WNK1: variants seen among roughly 807,000 people sequenced by gnomAD.
The protein encoded by WNK1 is WNK lysine deficient protein kinase 1, also known as serine/threonine-protein kinase WNK1.
WNK1 carries 38 observed loss-of-function variants against 222.8 expected under a neutral mutation model. That is an observed-to-expected ratio of 0.17 (90% CI 0.13 to 0.22). WNK1 has a LOEUF of 0.22. Among genes scored for constraint, WNK1 ranks in the 10% least tolerant of loss-of-function variants. The probability of loss-of-function intolerance (pLI) is 1.00; values close to 1 mark genes in which losing one functional copy is unlikely to be tolerated. For synonymous variants in WNK1, 1,090 were observed against 1,092.9 expected, an observed-to-expected ratio of 1.00 and a Z score of 0.05; for missense variants, 2,348 against 2,918.4, an observed-to-expected ratio of 0.80 and a Z score of 4.50.
intron 1 of WNK1, among the ~76,000 whole-genome samples, chr12:768,690 A>G (rs148215052): frequency 6.6e-6 from 1 of 152,206 alleles, no homozygotes; most frequent in African/African-American, 2.4e-5. Flanking sequence ...ATACCTCATT[A>G]ATGTTTTAAA....
chr12:860,776 AC>A (rs1359679511), intron 6 of WNK1, among the ~76,000 whole-genome samples: 2 of 152,160 alleles, frequency 1.3e-5, no homozygotes, highest in African/African-American at 4.8e-5. Flanking sequence ...AGGTATACCT[AC>A]CCTTCGAGTT....
chr12:806,835 A>C (rs151090402), intron 1 of WNK1, among the ~76,000 whole-genome samples: 1 of 152,336 alleles, frequency 6.6e-6, no homozygotes, highest in Non-Finnish European at 1.5e-5. Context: ...CATTACACTT[A>C]AGTCAGACCT....
intron 1 of WNK1, among the ~76,000 whole-genome samples, chr12:812,069 G>GT (rs1356305084): frequency 2.0e-5 from 3 of 152,032 alleles, no homozygotes; most frequent in African/African-American, 4.8e-5. Context: ...GAAGTCCCCC[G>GT]TTTTTTTCCC....
intron 4 of WNK1, chr12:851,420 A>T: frequency 4.5e-6 from 5 of 1,123,308 alleles, no homozygotes; most frequent in Non-Finnish European, 5.5e-6. Context: ...CTTGTCTAGG[A>T]TCTATTACTG....
intron 4 of WNK1, among the ~76,000 whole-genome samples, chr12:846,266 C>G (rs895151171): frequency 1.3e-5 from 2 of 152,130 alleles, no homozygotes; most frequent in Non-Finnish European, 2.9e-5. Flanking sequence ...TACTTGTAGT[C>G]TTGACCCAGT....
At chr12:891,009 TGAAAG>T (rs1369542103) in intron 22 of WNK1, among the ~76,000 whole-genome samples, 1 of 151,962 alleles carries the variant, frequency 6.6e-6, no homozygotes, top group Non-Finnish European at 1.5e-5. Flanking sequence ...AATGGAAAAA[TGAAAG>T]GGGAATGTAG....
At chr12:892,479 T>C (rs1238291181) in intron 22 of WNK1, among the ~76,000 whole-genome samples, 1 of 152,062 alleles carries the variant, frequency 6.6e-6, no homozygotes, top group Non-Finnish European at 1.5e-5. Flanking sequence ...TTAATAGAGG[T>C]GTTAAGTTCA....
At chr12:860,141 C>T (rs1211786104) in intron 6 of WNK1, among the ~76,000 whole-genome samples, 1 of 152,122 alleles carries the variant, frequency 6.6e-6, no homozygotes, top group East Asian at 1.9e-4. Flanking sequence ...TTGAGTGACT[C>T]CCAGTTTGTA....
At chr12:870,242 A>G (rs1952027459) in intron 8 of WNK1, among the ~76,000 whole-genome samples, 1 of 152,218 alleles carries the variant, frequency 6.6e-6, no homozygotes, top group African/African-American at 2.4e-5. Flanking sequence ...CTTGACAGCT[A>G]TACATGGGCA....
At position 864,981 on chromosome 12, in the gene WNK1, A is replaced by T. The variant is rs913808927; in HGVS notation, c.2139+2711A>T. On this transcript the variant is annotated intron_variant, in intron 8 of 27. Transcript: ENST00000315939. Reference sequence around the variant, plus strand: ...AGTTATAGCTCTCCTCAAAAAAAAAACTGACTTTGTGGAATTGGGAGAGGA... The same window carrying T: ...AGTTATAGCTCTCCTCAAAAAAAAATCTGACTTTGTGGAATTGGGAGAGGA... 7.5e-5 allele frequency: 96 copies of T among 1,276,714 alleles called. No individual in the cohort carries two copies. In the African/African-American group the frequency reaches 1.3e-3, roughly 17 times the overall value. 79.1% of individuals were successfully genotyped at this position (1,276,714 alleles called of 1,614,324 possible). A position where few individuals can be genotyped will look rare whatever the true frequency, so the allele number is the denominator to read the frequency against.
At chr12:878,382 T>G (rs1021056482) in intron 10 of WNK1, 21 bp downstream of exon 10, 3 of 1,597,334 alleles carry the variant, frequency 1.9e-6, no homozygotes, top group Non-Finnish European at 1.7e-6. Context: ...TTTTTTTTTT[T>G]AAACAGGTAA....
Position 879,919 on chromosome 12 carries a change from C to T in WNK1, c.2720C>T (p.Pro907Leu). ...PTLLQPVTQL[P>L]SQVHPQLLQP... is the part of the protein sequence containing the mutation. Reference sequence around the variant, plus strand: ...CTTCTGCAGCCTGTGACTCAGCTGCCAAGTCAGGTTCACCCACAGCTCCTA... The same window carrying T: ...CTTCTGCAGCCTGTGACTCAGCTGCTAAGTCAGGTTCACCCACAGCTCCTA... The change falls in exon 11 of 28, where the codon CCA (proline) becomes CTA (leucine). Residue 907 changes from proline to leucine, a missense_variant. Physicochemically the swap from Pro to Leu is moderately conservative, Grantham distance 98. Transcript: ENST00000315939. 1.9e-6 allele frequency: 3 copies of T among 1,614,044 alleles called. No homozygotes were observed. Among genetic ancestry groups the T allele is most frequent in the Non-Finnish European group, 2.5e-6 (3 of 1,179,960 alleles).
intron 8 of WNK1, chr12:868,224 C>T: frequency 1.9e-6 from 3 of 1,609,942 alleles, no homozygotes; most frequent in Non-Finnish European, 2.5e-6. Context: ...GACTATAGAC[C>T]TGGACTAGTA....
intron 2 of WNK1, among the ~76,000 whole-genome samples, chr12:815,630 C>G (rs1451923740): frequency 1.3e-5 from 2 of 152,154 alleles, no homozygotes; most frequent in Non-Finnish European, 2.9e-5. Context: ...CTGGAAGTGT[C>G]TAATACTGAA....
chr12:910,626 C>T lies in WNK1; in HGVS notation c.*1834C>T, dbSNP rs1176792475. 2 of 152,168 alleles carry T rather than the reference C, an allele frequency of 1.3e-5. No individual in the cohort carries two copies. The highest frequency in any genetic ancestry group is 2.9e-5 in the Non-Finnish European group (2 of 68,050). The allele number at this position is 152,168 out of a possible 1,614,324, so 9.4% of individuals were successfully genotyped here. On this transcript the variant is annotated 3_prime_UTR_variant, in exon 28 of 28. Coordinates refer to ENST00000315939, the MANE Select transcript of WNK1 (RefSeq NM_018979.4). ...TAGGACTCTTAATTTTGGGGTGCTT[C>T]TTGACTCTTAGTTGGGAAACTGAAA...
Position 868,686 on chromosome 12 carries a change from A to G in WNK1, c.2140-2579A>G, listed in dbSNP as rs536229449. 3 of 1,613,804 alleles carry G rather than the reference A, an allele frequency of 1.9e-6. No individual in the cohort carries two copies. Among genetic ancestry groups the G allele is most frequent in the Non-Finnish European group, 2.5e-6 (3 of 1,179,902 alleles). ...GGAGAAGGAGGTGGAATTTTACCTC[A>G]GCGTGTTTACCGAAATCGGCAGGTT... On this transcript the variant is annotated intron_variant, in intron 8 of 27. Coordinates refer to ENST00000315939, the MANE Select transcript of WNK1 (RefSeq NM_018979.4).
intron 1 of WNK1, among the ~76,000 whole-genome samples, chr12:762,730 G>A (rs574261286): frequency 6.8e-6 from 1 of 147,250 alleles, no homozygotes; most frequent in East Asian, 2.0e-4. Flanking sequence ...AGGGGATAAT[G>A]GTTATTTTTT....
chr12:769,274 C>T (rs1293534749), intron 1 of WNK1, among the ~76,000 whole-genome samples: 2 of 152,298 alleles, frequency 1.3e-5, no homozygotes, highest in South Asian at 2.1e-4. Flanking sequence ...TCTCTGCTCA[C>T]TGCAACCTCC....
intron 1 of WNK1, among the ~76,000 whole-genome samples, chr12:765,570 AT>A (rs1941590101): frequency 8.3e-6 from 1 of 120,278 alleles, no homozygotes. Context: ...TTTTTTAATC[AT>A]TGCAGAAAAT....
Sources: gnomAD v4.1 joint callset for allele counts (sites outside exome capture counted in the v4.1 genomes callset) on GRCh38, gnomAD v4.1.1 for gene constraint, MANE v1.5 for transcripts, NCBI Gene and HGNC (gene_info 2026-07-23, HGNC 2026-07-21) for gene names.